The following CNTNAP2 variants were observed in gnomAD, a reference collection of about 807,000 sequenced individuals.
The protein encoded by CNTNAP2 is contactin-associated protein-like 2.
CNTNAP2 carries 98 observed loss-of-function variants against 155.2 expected under a neutral mutation model. The ratio of observed to expected loss-of-function variants is 0.63; its 90% CI spans 0.54 to 0.75. The LOEUF (loss-of-function observed/expected upper bound fraction) is 0.75, where lower values mean the gene tolerates loss of function less well. Ranked by LOEUF, CNTNAP2 falls within the 30% of genes least tolerant of loss-of-function variation. The pLI, the probability that CNTNAP2 is intolerant of heterozygous loss-of-function variation, is 0.00. For missense variants in CNTNAP2, 1,727 were observed against 1,688.1 expected (o/e 1.02, Z -0.40); for synonymous variants, 651 against 631.2 (o/e 1.03, Z -0.47).
At chr7:146,404,917 C>T (rs1041191263) in intron 1 of CNTNAP2, among the ~76,000 whole-genome samples, 13 of 152,108 alleles carry the variant, frequency 8.5e-5, no homozygotes, top group African/African-American at 3.1e-4. Context: ...TCTACTGTAG[C>T]GTTCAGGATG....
chr7:146,858,622 A>G (rs1222905066), intron 3 of CNTNAP2, among the ~76,000 whole-genome samples: 1 of 152,156 alleles, frequency 6.6e-6, no homozygotes, highest in Non-Finnish European at 1.5e-5. Flanking sequence ...TGAGTCCAGG[A>G]GGTCGAGGCT....
intron 4 of CNTNAP2, among the ~76,000 whole-genome samples, chr7:147,047,582 C>T (rs995399015): frequency 5.9e-5 from 9 of 151,996 alleles, no homozygotes; most frequent in Admixed American, 3.3e-4. Flanking sequence ...TTGCTAGACA[C>T]GTATTTATTT....
chr7:147,675,790 T>C (rs1795857194), intron 13 of CNTNAP2, among the ~76,000 whole-genome samples: 1 of 152,018 alleles, frequency 6.6e-6, no homozygotes, highest in Non-Finnish European at 1.5e-5. Flanking sequence ...GTGAATGTAT[T>C]ACAAGATGTG....
At chr7:147,112,430 G>A (rs1022754438) in intron 5 of CNTNAP2, among the ~76,000 whole-genome samples, 2 of 152,152 alleles carry the variant, frequency 1.3e-5, no homozygotes, top group Non-Finnish European at 2.9e-5. Context: ...GGTGAGAGAA[G>A]GCATCCTTGT....
chr7:147,836,877 T>C (rs1281057108), intron 13 of CNTNAP2, among the ~76,000 whole-genome samples: 1 of 152,246 alleles, frequency 6.6e-6, no homozygotes, highest in Non-Finnish European at 1.5e-5. Flanking sequence ...TACATAGTCA[T>C]AATTTGAAAA....
intron 3 of CNTNAP2, among the ~76,000 whole-genome samples, chr7:146,973,615 T>A (rs1181099519): frequency 6.6e-6 from 1 of 152,178 alleles, no homozygotes; most frequent in African/African-American, 2.4e-5. Flanking sequence ...TGAGACATAT[T>A]CCAAAGATCC....
intron 11 of CNTNAP2, among the ~76,000 whole-genome samples, chr7:147,544,384 G>A (rs1303177743): frequency 6.6e-6 from 1 of 152,086 alleles, no homozygotes; most frequent in Non-Finnish European, 1.5e-5. Flanking sequence ...TAGCAATGAA[G>A]CTCTCACTTC....
chr7:146,196,363 C>T (rs1798775084), intron 1 of CNTNAP2, among the ~76,000 whole-genome samples: 1 of 152,068 alleles, frequency 6.6e-6, no homozygotes. Flanking sequence ...GCAAACAGAG[C>T]CATTGGCATA....
At chr7:147,842,041 C>T (rs1188733333) in intron 13 of CNTNAP2, among the ~76,000 whole-genome samples, 1 of 151,994 alleles carries the variant, frequency 6.6e-6, no homozygotes, top group Non-Finnish European at 1.5e-5. Context: ...TGTTTATTAT[C>T]ATTAAAAATA....
chr7:147,294,861 T>C (rs1805400327), intron 8 of CNTNAP2, among the ~76,000 whole-genome samples: 1 of 152,098 alleles, frequency 6.6e-6, no homozygotes, highest in South Asian at 2.1e-4. Flanking sequence ...GGTTTCATCA[T>C]GTTGGCCAGG....
At chr7:146,875,934 C>CAAAA (rs56304234) in intron 3 of CNTNAP2, among the ~76,000 whole-genome samples, 37 of 55,132 alleles carry the variant, frequency 6.7e-4, no homozygotes, top group African/African-American at 7.9e-4. Flanking sequence ...ACATACACAG[C>CAAAA]AAAAAAAAAA....
intron 8 of CNTNAP2, among the ~76,000 whole-genome samples, chr7:147,198,232 C>CTTTTTTTTTTT (rs71525992): frequency 3.5e-5 from 4 of 113,094 alleles, no homozygotes; most frequent in Non-Finnish European, 7.0e-5. Flanking sequence ...TTCCAATATC[C>CTTTTTTTTTTT]TTTTTTTTTT....
intron 1 of CNTNAP2, among the ~76,000 whole-genome samples, chr7:146,135,307 GA>G (rs1463003133): frequency 6.6e-6 from 1 of 151,786 alleles, no homozygotes; most frequent in Non-Finnish European, 1.5e-5. Context: ...ATGATTAGAC[GA>G]AAAAAATTCA....
At chr7:146,846,231 C>G (rs891896240) in intron 3 of CNTNAP2, among the ~76,000 whole-genome samples, 1 of 152,096 alleles carries the variant, frequency 6.6e-6, no homozygotes, top group Non-Finnish European at 1.5e-5. Context: ...ATGTAAACAT[C>G]TACATTCCTG....
At chr7:147,065,723 G>T (rs1367898940) in intron 4 of CNTNAP2, among the ~76,000 whole-genome samples, 1 of 152,018 alleles carries the variant, frequency 6.6e-6, no homozygotes, top group East Asian at 1.9e-4. Flanking sequence ...ACACAAACTG[G>T]TTATTATACT....
At chr7:146,331,892 A>G (rs1015668353) in intron 1 of CNTNAP2, among the ~76,000 whole-genome samples, 3 of 152,202 alleles carry the variant, frequency 2.0e-5, no homozygotes, top group Admixed American at 1.3e-4. Flanking sequence ...TTCTGAGAAC[A>G]AGTTAAAGCA....
chr7:147,876,771 G>A (rs1281902890), intron 13 of CNTNAP2, among the ~76,000 whole-genome samples: 1 of 152,096 alleles, frequency 6.6e-6, no homozygotes, highest in Admixed American at 6.5e-5. Flanking sequence ...GTGATGTTTA[G>A]TTTGTTAATT....
At chr7:148,158,221 G>GTTTTTTTTT (rs1562977677) in intron 17 of CNTNAP2, among the ~76,000 whole-genome samples, 2 of 63,134 alleles carry the variant, frequency 3.2e-5, no homozygotes, top group African/African-American at 3.0e-4. Context: ...CAATGTTTGC[G>GTTTTTTTTT]CTTTTTTTTT....
chr7:146,442,535 A>G (rs1244251595), intron 1 of CNTNAP2, among the ~76,000 whole-genome samples: 1 of 152,046 alleles, frequency 6.6e-6, no homozygotes, highest in Non-Finnish European at 1.5e-5. Context: ...TACCTCATCA[A>G]AAAAACTCAG....
Sources: gnomAD v4.1 joint callset for allele counts (sites outside exome capture counted in the v4.1 genomes callset) on GRCh38, gnomAD v4.1.1 for gene constraint, MANE v1.5 for transcripts, NCBI Gene and HGNC (gene_info 2026-07-23, HGNC 2026-07-21) for gene names.